Variants in GPATCH2 observed in about 807,000 individuals in gnomAD.
GPATCH2 encodes G patch domain-containing protein 2.
GPATCH2 carries 51 observed loss-of-function variants against 58.0 expected under a neutral mutation model. The ratio of observed to expected loss-of-function variants is 0.88; its 90% CI spans 0.70 to 1.11. The LOEUF is 1.11. Ranked by LOEUF, GPATCH2 falls within the 50% of genes most tolerant of loss-of-function variation. The pLI is 0.00. For missense variants in GPATCH2, 625 were observed against 652.2 expected (o/e 0.96, Z 0.45); for synonymous variants, 222 against 218.5 (o/e 1.02, Z -0.14).
intron 5 of GPATCH2, among the ~76,000 whole-genome samples, chr1:217,584,612 G>T (rs1298979818): frequency 6.6e-6 from 1 of 151,890 alleles, no homozygotes; most frequent in Non-Finnish European, 1.5e-5. Context: ...GATGTTAAAA[G>T]CTGTTAAACA....
intron 5 of GPATCH2, among the ~76,000 whole-genome samples, chr1:217,555,743 A>G (rs1033559482): frequency 1.3e-5 from 2 of 152,158 alleles, no homozygotes; most frequent in African/African-American, 2.4e-5. Flanking sequence ...GATCAGCTCC[A>G]TAAGAAAGTA....
intron 3 of GPATCH2, among the ~76,000 whole-genome samples, chr1:217,611,486 T>G (rs1191094349): frequency 6.6e-6 from 1 of 152,082 alleles, no homozygotes; most frequent in Non-Finnish European, 1.5e-5. Flanking sequence ...TGAAAAACAA[T>G]AATAAACTGG....
At chr1:217,516,520 T>A (rs987342230) in intron 5 of GPATCH2, among the ~76,000 whole-genome samples, 2 of 152,158 alleles carry the variant, frequency 1.3e-5, no homozygotes, top group Non-Finnish European at 2.9e-5. Context: ...AAAATGAGGT[T>A]TTCATGCTAT....
intron 5 of GPATCH2, among the ~76,000 whole-genome samples, chr1:217,580,423 G>A (rs1183552606): frequency 6.6e-6 from 1 of 152,012 alleles, no homozygotes; most frequent in Non-Finnish European, 1.5e-5. Flanking sequence ...AAGCTAATAG[G>A]TAAACAATTT....
At chr1:217,595,791 C>T (rs922976780) in intron 5 of GPATCH2, among the ~76,000 whole-genome samples, 1 of 152,134 alleles carries the variant, frequency 6.6e-6, no homozygotes, top group Non-Finnish European at 1.5e-5. Flanking sequence ...TGAGCCACCG[C>T]ACCCGGCCGA....
intron 8 of GPATCH2, among the ~76,000 whole-genome samples, chr1:217,451,086 T>C (rs1311298915): frequency 6.6e-6 from 1 of 152,090 alleles, no homozygotes; most frequent in Non-Finnish European, 1.5e-5. Context: ...AAAGAAAACA[T>C]AAATATGTGT....
At chr1:217,556,225 C>T (rs964119047) in intron 5 of GPATCH2, among the ~76,000 whole-genome samples, 10 of 152,090 alleles carry the variant, frequency 6.6e-5, no homozygotes, top group South Asian at 2.1e-4. Context: ...AAAAACCACA[C>T]GAATAGTTTA....
intron 7 of GPATCH2, among the ~76,000 whole-genome samples, chr1:217,494,834 G>C (rs1056330012): frequency 6.6e-6 from 1 of 151,634 alleles, no homozygotes; most frequent in African/African-American, 2.4e-5. Context: ...GCTCTAATAA[G>C]CAAGAGCAGC....
chr1:217,598,831 C>A (rs1424430396), intron 5 of GPATCH2, among the ~76,000 whole-genome samples: 1 of 152,158 alleles, frequency 6.6e-6, no homozygotes, highest in Non-Finnish European at 1.5e-5. Context: ...TATGTGCTAA[C>A]AGGACTCCCA....
Position 217,431,065 on chromosome 1 carries a change from A to T in GPATCH2, c.*80T>A, listed in dbSNP as rs1658509839. The T allele has an allele frequency of 3.7e-6, 3 of 809,952 alleles. No homozygotes were observed. The highest frequency in any genetic ancestry group is 1.7e-5 in the African/African-American group (1 of 59,450). 50.2% of individuals were successfully genotyped at this position (809,952 alleles called of 1,614,324 possible). A position where few individuals can be genotyped will look rare whatever the true frequency, so the allele number is the denominator to read the frequency against. On this transcript the variant is annotated 3_prime_UTR_variant, in exon 10 of 10. Coordinates refer to ENST00000366935, the MANE Select transcript of GPATCH2 (RefSeq NM_018040.5). The stretch of plus-strand genomic sequence containing the variant: ...TTGAGGCAATGTAGATTTTTGCTTC[A>T]AAAACAGAAGTCATGTTATCATTTT...
intron 5 of GPATCH2, among the ~76,000 whole-genome samples, chr1:217,571,332 G>A (rs1051414895): frequency 5.3e-5 from 8 of 152,086 alleles, no homozygotes; most frequent in African/African-American, 1.9e-4. Context: ...AACCCAAACA[G>A]GTGCTCAGTA....
intron 6 of GPATCH2, among the ~76,000 whole-genome samples, chr1:217,504,574 A>G (rs1662461428): frequency 6.6e-6 from 1 of 152,166 alleles, no homozygotes; most frequent in Admixed American, 6.6e-5. Flanking sequence ...TGTGCTGGTT[A>G]TCATTCTCAT....
At chr1:217,534,173 G>A (rs184823227) in intron 5 of GPATCH2, among the ~76,000 whole-genome samples, 6 of 152,154 alleles carry the variant, frequency 3.9e-5, no homozygotes, top group South Asian at 2.1e-4. Flanking sequence ...CCAAGATCAC[G>A]CCACTGCACT....
chr1:217,600,919 T>C (rs1668073982), intron 5 of GPATCH2, among the ~76,000 whole-genome samples: 1 of 152,116 alleles, frequency 6.6e-6, no homozygotes, highest in African/African-American at 2.4e-5. Flanking sequence ...TCAATGTTTT[T>C]AAAGACATTC....
intron 1 of GPATCH2, among the ~76,000 whole-genome samples, chr1:217,630,484 G>A (rs1669697050): frequency 6.6e-6 from 1 of 152,068 alleles, no homozygotes; most frequent in African/African-American, 2.4e-5. Flanking sequence ...AGAGGGTGAT[G>A]TGTTTTCCAC....
intron 5 of GPATCH2, among the ~76,000 whole-genome samples, chr1:217,570,699 C>A (rs1174852368): frequency 6.6e-6 from 1 of 152,104 alleles, no homozygotes; most frequent in Non-Finnish European, 1.5e-5. Flanking sequence ...TATTATTAAA[C>A]AGTTTATGAA....
At chr1:217,549,220 G>T (rs1665226098) in intron 5 of GPATCH2, among the ~76,000 whole-genome samples, 1 of 152,084 alleles carries the variant, frequency 6.6e-6, no homozygotes, top group Non-Finnish European at 1.5e-5. Context: ...GACATCATGG[G>T]AGATATATTT....
intron 5 of GPATCH2, among the ~76,000 whole-genome samples, chr1:217,518,560 A>G (rs3795703): frequency 0.026 from 4,011 of 152,296 alleles, 78 homozygotes; most frequent in East Asian, 0.076. Flanking sequence ...CCACAATTAC[A>G]TAACTGAATA....
chr1:217,522,419 T>C (rs1163096323), intron 5 of GPATCH2, among the ~76,000 whole-genome samples: 1 of 152,166 alleles, frequency 6.6e-6, no homozygotes, highest in African/African-American at 2.4e-5. Context: ...TGATGCCCAA[T>C]AGTGATAGTA....
Sources: allele counts gnomAD v4.1 joint callset (sites outside exome capture counted in the v4.1 genomes callset), GRCh38; gene constraint gnomAD v4.1.1; transcripts MANE v1.5; gene names NCBI Gene and HGNC (gene_info 2026-07-23, HGNC 2026-07-21).